Variants in TANGO2 observed in about 807,000 individuals in gnomAD.
TANGO2 encodes transport and Golgi organization protein 2 homolog.
A neutral mutation model predicts 39.1 loss-of-function variants in TANGO2; 26 were observed. The ratio of observed to expected loss-of-function variants is 0.67; its 90% CI spans 0.49 to 0.92. The LOEUF is 0.92. Among genes scored for constraint, TANGO2 ranks in the 40% least tolerant of loss-of-function variants. The pLI is 0.00. For synonymous variants in TANGO2, 131 were observed against 144.5 expected, an observed-to-expected ratio of 0.91 and a Z score of 0.67; for missense variants, 326 against 360.1, an observed-to-expected ratio of 0.91 and a Z score of 0.77.
intron 3 of TANGO2, among the ~76,000 whole-genome samples, chr22:20,051,914 A>G (rs765303077): frequency 4.6e-5 from 7 of 152,024 alleles, no homozygotes; most frequent in Non-Finnish European, 1.0e-4. Context: ...TTTTGCCCCA[A>G]TCTTTGGGTA....
rs926671690 is a variant in TANGO2 at position 20,024,428 on chromosome 22, C to T, written c.-40+3182C>T. On this transcript the variant is annotated intron_variant, in intron 1 of 8. Transcript: ENST00000327374. Reference sequence around the variant, plus strand: ...TCTGCTGACAGCCACCGGGAGCCCGCGTCACATGTCTGTGTCTGCCTTTGA... The same window carrying T: ...TCTGCTGACAGCCACCGGGAGCCCGTGTCACATGTCTGTGTCTGCCTTTGA... 2.0e-5 allele frequency among the ~76,000 whole-genome samples: 3 copies of T among 152,208 alleles called. No homozygotes were observed. The South Asian group carries it at 6.2e-4, about 32-fold the overall frequency.
At chr22:20,035,001 T>A (rs2042582901) in intron 1 of TANGO2, among the ~76,000 whole-genome samples, 1 of 152,268 alleles carries the variant, frequency 6.6e-6, no homozygotes, top group Non-Finnish European at 1.5e-5. Context: ...CACCCTCGGA[T>A]GATGGCCCCC....
At chr22:20,063,531 C>G (rs538701177) in intron 8 of TANGO2, 89 bp downstream of exon 8, 94 of 1,157,384 alleles carry the variant, frequency 8.1e-5, no homozygotes, top group African/African-American at 6.1e-5. Flanking sequence ...TGCCCATAGC[C>G]AGAGCCAGGC....
intron 6 of TANGO2, 97 bp from the exon 7 acceptor site, chr22:20,061,432 TC>T: frequency 7.2e-7 from 1 of 1,397,462 alleles, no homozygotes; most frequent in African/African-American, 1.4e-5. Flanking sequence ...GATTTCATGG[TC>T]CCCAGCTGTA....
At chr22:20,021,943 C>T (rs2039771881) in intron 1 of TANGO2, among the ~76,000 whole-genome samples, 1 of 152,276 alleles carries the variant, frequency 6.6e-6, no homozygotes, top group Non-Finnish European at 1.5e-5. Context: ...GGCCCCCTTC[C>T]TCTTCAGGAA....
intron 1 of TANGO2, among the ~76,000 whole-genome samples, chr22:20,035,730 C>T (rs1439795533): frequency 6.6e-6 from 1 of 152,136 alleles, no homozygotes; most frequent in African/African-American, 2.4e-5. Context: ...GTGGGCCATG[C>T]TGTTGGAGGC....
At chr22:20,026,694 C>A (rs775363288) in intron 1 of TANGO2, among the ~76,000 whole-genome samples, 2 of 152,234 alleles carry the variant, frequency 1.3e-5, no homozygotes, top group Non-Finnish European at 2.9e-5. Context: ...GCAGTCAGTA[C>A]CCATGTTGGT....
At chr22:20,049,849 G>C (rs1569301997) in intron 3 of TANGO2, among the ~76,000 whole-genome samples, 1 of 152,116 alleles carries the variant, frequency 6.6e-6, no homozygotes, top group Non-Finnish European at 1.5e-5. Flanking sequence ...CATGTGGGGA[G>C]AAGTGTCACC....
chr22:20,019,685 G>T (rs897231267), upstream of TANGO2, among the ~76,000 whole-genome samples: 3 of 152,220 alleles, frequency 2.0e-5, no homozygotes, highest in Non-Finnish European at 2.9e-5. Context: ...TTCTCCAGGT[G>T]CTGCCATGAA....
intron 2 of TANGO2, among the ~76,000 whole-genome samples, chr22:20,040,391 C>A (rs1465742944): frequency 6.6e-6 from 1 of 152,210 alleles, no homozygotes; most frequent in African/African-American, 2.4e-5. Context: ...AGAATCAGCA[C>A]CCGAAGCCAA....
chr22:20,063,599 G>A, intron 8 of TANGO2, 157 bp downstream of exon 8: 1 of 686,608 alleles, frequency 1.5e-6, no homozygotes, highest in Non-Finnish European at 2.3e-6. Flanking sequence ...CAGCTGCAGG[G>A]TGAGCAGATA....
intron 1 of TANGO2, among the ~76,000 whole-genome samples, chr22:20,027,116 C>T (rs577908897): frequency 7.2e-5 from 11 of 152,312 alleles, no homozygotes; most frequent in Admixed American, 2.0e-4. Context: ...GCCAGCACTT[C>T]ACACGGCTGG....
In TANGO2 at chr22:20,041,035, G is replaced by A. The variant is rs1210285556; in HGVS notation, c.57-2320G>A. On this transcript the variant is annotated intron_variant, in intron 2 of 8. Transcript: ENST00000327374. ...GCACAGTCCCTGGCAATGACCAAAA[G>A]CATTTCCCCAGTTCTGCTGGCAAGA... Among the ~76,000 whole-genome samples, 5 of 152,332 alleles carry A rather than the reference G, an allele frequency of 3.3e-5. No individual in the cohort carries two copies. The South Asian group carries it at 8.3e-4, about 25-fold the overall frequency.
At chr22:20,027,513 G>A (rs539169951) in intron 1 of TANGO2, among the ~76,000 whole-genome samples, 40 of 152,324 alleles carry the variant, frequency 2.6e-4, no homozygotes, top group African/African-American at 8.7e-4. Flanking sequence ...GGACCCTAGC[G>A]TGTTAACCCC....
intron 8 of TANGO2, among the ~76,000 whole-genome samples, chr22:20,063,789 G>A (rs1287260048): frequency 2.0e-5 from 3 of 152,260 alleles, no homozygotes; most frequent in Non-Finnish European, 4.4e-5. Context: ...AGCCTTTCCT[G>A]CCTGGGGCTG....
chr22:20,031,532 C>T (rs188398075), intron 1 of TANGO2, among the ~76,000 whole-genome samples: 35 of 152,360 alleles, frequency 2.3e-4, no homozygotes, highest in East Asian at 1.9e-3. Flanking sequence ...GCTGCCCACA[C>T]GGCCTCCTGT....
rs1024942225 is a variant in TANGO2, at chr22:20,066,713, C to A, written c.*2051C>A. 3.9e-5 allele frequency among the ~76,000 whole-genome samples: 6 copies of A among 152,172 alleles called. No homozygotes were observed. The South Asian group carries it at 1.2e-3, about 32-fold the overall frequency. On this transcript the variant is annotated 3_prime_UTR_variant, in exon 9 of 9. Transcript: ENST00000327374. Reference sequence around the variant, plus strand: ...CTCCCGGCTGGGGGCACTGCCCTTGCTGCCAACACATTCACCTGCCCCAGT... The same window carrying A: ...CTCCCGGCTGGGGGCACTGCCCTTGATGCCAACACATTCACCTGCCCCAGT...
intron 2 of TANGO2, among the ~76,000 whole-genome samples, chr22:20,040,013 G>A (rs540953160): frequency 6.6e-6 from 1 of 152,170 alleles, no homozygotes; most frequent in East Asian, 1.9e-4. Flanking sequence ...CACCGTGGTG[G>A]GTGCATCCCT....
At chr22:20,042,992 G>A (rs1008429981) in intron 2 of TANGO2, among the ~76,000 whole-genome samples, 2 of 152,066 alleles carry the variant, frequency 1.3e-5, no homozygotes, top group African/African-American at 2.4e-5. Flanking sequence ...CCAGGGCTGG[G>A]GACAGATGGA....
Sources: gnomAD v4.1 joint callset for allele counts (sites outside exome capture counted in the v4.1 genomes callset) on GRCh38, gnomAD v4.1.1 for gene constraint, MANE v1.5 for transcripts, NCBI Gene and HGNC (gene_info 2026-07-23, HGNC 2026-07-21) for gene names.